MGST1: variants seen among roughly 807,000 people sequenced by gnomAD.
MGST1 encodes the protein glutathione S-transferase 12.
MGST1 carries 5 observed loss-of-function variants against 8.9 expected under a neutral mutation model. That is an observed-to-expected ratio of 0.56 (90% CI 0.29 to 1.19). The LOEUF is 1.19. MGST1 is among the 50% of genes most tolerant of loss of function. The pLI is 0.08. For synonymous variants in MGST1, 54 were observed against 67.8 expected, an observed-to-expected ratio of 0.80 and a Z score of 1.00; for missense variants, 182 against 187.4, an observed-to-expected ratio of 0.97 and a Z score of 0.17.
intron 1 of MGST1, among the ~76,000 whole-genome samples, chr12:16,404,085 C>T (rs1940681163): frequency 1.3e-5 from 2 of 152,050 alleles, no homozygotes; most frequent in Non-Finnish European, 2.9e-5. Flanking sequence ...CCTTATAATT[C>T]AATTAATTTT....
At chr12:16,485,394 G>C (rs553707335) in intron 4 of MGST1, among the ~76,000 whole-genome samples, 1 of 152,232 alleles carries the variant, frequency 6.6e-6, no homozygotes, top group South Asian at 2.1e-4. Flanking sequence ...GCTTGAGCTA[G>C]TCACTTTATT....
intron 1 of MGST1, among the ~76,000 whole-genome samples, chr12:16,422,064 C>T (rs895795337): frequency 6.6e-6 from 1 of 152,100 alleles, no homozygotes; most frequent in Non-Finnish European, 1.5e-5. Flanking sequence ...GTCTTCATTC[C>T]ACCATCATAG....
intron 1 of MGST1, among the ~76,000 whole-genome samples, chr12:16,353,033 A>AT (rs1349934937): frequency 9.3e-4 from 137 of 147,578 alleles, no homozygotes; most frequent in Admixed American, 1.5e-3. Flanking sequence ...TACTATTTCA[A>AT]TTTTTTTTTT....
At chr12:16,353,457 A>C (rs1476735635) in intron 1 of MGST1, 1 of 152,212 alleles carries the variant, frequency 6.6e-6, no homozygotes, top group Non-Finnish European at 1.5e-5. Flanking sequence ...ATACTACTGA[A>C]ATGACAAGTT....
At position 16,497,546 on chromosome 12, in the gene MGST1, C is replaced by A. The variant is rs921683775; in HGVS notation, n.483-91982C>A. 3.3e-5 allele frequency among the ~76,000 whole-genome samples: 5 copies of A among 152,130 alleles called. No homozygotes were observed. The highest frequency in any genetic ancestry group is 1.3e-4 in the Admixed American group (2 of 15,242). ...TATGTGTAAACAGATATTTCAATTT[C>A]TATAAATTTCATTTCATATTTTATG... On this transcript the variant is annotated intron_variant and non_coding_transcript_variant, in intron 4 of 4. Coordinates refer to the MGST1 transcript ENST00000538857. The surrounding 1 kb of genome is among the most constrained non-coding windows in gnomAD (Gnocchi z 4.4).
chr12:16,409,035 CTT>C lies in MGST1; in HGVS notation n.778+25432_778+25433del, dbSNP rs747361137. 6.6e-5 allele frequency among the ~76,000 whole-genome samples: 10 copies of C among 152,108 alleles called. No individual in the cohort carries two copies. The East Asian group carries it at 1.7e-3, about 26-fold the overall frequency. On this transcript the variant is annotated intron_variant and non_coding_transcript_variant, in intron 1 of 1. Coordinates refer to the MGST1 transcript ENST00000359720. ...TCTGAACAAAATTTTAATTTTGTCT[CTT>C]ATTTTTTAAACCATTATATGTTAAA...
intron 3 of MGST1, among the ~76,000 whole-genome samples, chr12:16,374,838 T>C (rs1201427969): frequency 6.6e-6 from 1 of 152,160 alleles, no homozygotes; most frequent in Non-Finnish European, 1.5e-5. Context: ...TATATACTCT[T>C]GTATGTGTGT....
At chr12:16,418,324 C>T (rs1940803690) in intron 1 of MGST1, among the ~76,000 whole-genome samples, 1 of 152,152 alleles carries the variant, frequency 6.6e-6, no homozygotes, top group Admixed American at 6.6e-5. Context: ...ATGTTCTTTG[C>T]AGCATATCCT....
chr12:16,406,245 T>G (rs1268181244), intron 1 of MGST1, among the ~76,000 whole-genome samples: 1 of 152,010 alleles, frequency 6.6e-6, no homozygotes, highest in Non-Finnish European at 1.5e-5. Flanking sequence ...TATACAAAAA[T>G]CACTAGCATT....
rs76725124 is a variant in MGST1 at position 16,559,812 on chromosome 12, A to G, written n.483-29716A>G. Among the ~76,000 whole-genome samples the G allele has an allele frequency of 6.8e-6, 1 of 146,018 alleles. No homozygotes were observed. The highest frequency in any genetic ancestry group is 6.9e-5 in the Admixed American group (1 of 14,576). Reference sequence around the variant, plus strand: ...CTATAAAAAATGAAAAAAAAAAAAAATTAGCCAGGCATGGGAGTGCACACC... The same window carrying G: ...CTATAAAAAATGAAAAAAAAAAAAAGTTAGCCAGGCATGGGAGTGCACACC... On this transcript the variant is annotated intron_variant and non_coding_transcript_variant, in intron 4 of 4. Coordinates refer to the MGST1 transcript ENST00000538857. The surrounding 1 kb of genome is among the most constrained non-coding windows in gnomAD (Gnocchi z 4.1).
At chr12:16,492,071 T>C (rs962051948) in intron 4 of MGST1, among the ~76,000 whole-genome samples, 3 of 152,196 alleles carry the variant, frequency 2.0e-5, no homozygotes, top group Non-Finnish European at 4.4e-5. Context: ...ATGAAAAGTA[T>C]AAATATGTAT....
chr12:16,561,503 A>G (rs551015417), intron 4 of MGST1, among the ~76,000 whole-genome samples: 106 of 152,250 alleles, frequency 7.0e-4, no homozygotes, highest in Non-Finnish European at 1.3e-3. Context: ...CATGGGAAAG[A>G]CCAAATTAAA....
At chr12:16,571,043 T>C (rs1385380547) in intron 4 of MGST1, among the ~76,000 whole-genome samples, 1 of 152,064 alleles carries the variant, frequency 6.6e-6, no homozygotes, top group African/African-American at 2.4e-5. Flanking sequence ...TAATAATAAA[T>C]TTTAAAAAAA....
At position 16,560,608 on chromosome 12, in the gene MGST1, A is replaced by T; in HGVS notation, n.483-28920A>T. On this transcript the variant is annotated intron_variant and non_coding_transcript_variant, in intron 4 of 4. Transcript: ENST00000538857. The surrounding 1 kb of genome is among the most constrained non-coding windows in gnomAD (Gnocchi z 5.0). ...AAATCTGAGATCGTGAAGAGAGATGATGTTAATATACTCTGTAAAGCTACA... is the reference window on the plus strand; with the variant it reads ...AAATCTGAGATCGTGAAGAGAGATGTTGTTAATATACTCTGTAAAGCTACA... 7.2e-7 allele frequency: 1 copy of T among 1,389,158 alleles called. No homozygotes were observed. The highest frequency in any genetic ancestry group is 1.0e-6 in the Non-Finnish European group (1 of 994,716). 86.1% of individuals were successfully genotyped at this position (1,389,158 alleles called of 1,614,324 possible). A position where few individuals can be genotyped will look rare whatever the true frequency, so the allele number is the denominator to read the frequency against.
At position 16,555,497 on chromosome 12, in the gene MGST1, G is replaced by A. The variant is rs911034822; in HGVS notation, n.483-34031G>A. Among the ~76,000 whole-genome samples the A allele has an allele frequency of 3.3e-5, 5 of 152,158 alleles. No individual in the cohort carries two copies. Among genetic ancestry groups the A allele is most frequent in the African/African-American group, 1.2e-4 (5 of 41,430 alleles). Reference sequence around the variant, plus strand: ...CATCATAAACTGTACTACCACTTAAGGTGTGTGGTCAATAAAAATTGGTTA... The same window carrying A: ...CATCATAAACTGTACTACCACTTAAAGTGTGTGGTCAATAAAAATTGGTTA... On this transcript the variant is annotated intron_variant and non_coding_transcript_variant, in intron 4 of 4. Transcript: ENST00000538857. The surrounding 1 kb of genome is among the most constrained non-coding windows in gnomAD (Gnocchi z 5.5).
At chr12:16,570,402 AT>A (rs928544168) in intron 4 of MGST1, among the ~76,000 whole-genome samples, 8 of 151,460 alleles carry the variant, frequency 5.3e-5, no homozygotes, top group South Asian at 4.2e-4. Flanking sequence ...GTTTGAAAAT[AT>A]TTTTTTTTAC....
chr12:16,359,781 C>T (rs1591699774), intron 3 of MGST1, among the ~76,000 whole-genome samples: 1 of 152,252 alleles, frequency 6.6e-6, no homozygotes, highest in East Asian at 1.9e-4. Context: ...GGAAAGTGAT[C>T]AGAAGCAATT....
chr12:16,406,988 A>G (rs1940701868), intron 1 of MGST1, among the ~76,000 whole-genome samples: 1 of 152,228 alleles, frequency 6.6e-6, no homozygotes, highest in African/African-American at 2.4e-5. Context: ...TAGCATCTGG[A>G]CATGGGAACT....
At chr12:16,532,937 G>A (rs753169292) in intron 4 of MGST1, among the ~76,000 whole-genome samples, 1 of 152,088 alleles carries the variant, frequency 6.6e-6, no homozygotes, top group Non-Finnish European at 1.5e-5. Context: ...AATCCCAGGA[G>A]AGATTATTAA....
Sources: allele counts gnomAD v4.1 joint callset (sites outside exome capture counted in the v4.1 genomes callset), GRCh38; gene constraint gnomAD v4.1.1; non-coding constraint Gnocchi (gnomAD v3.1); transcripts MANE v1.5; gene names NCBI Gene and HGNC (gene_info 2026-07-23, HGNC 2026-07-21).